Variants in NSUN6 observed in about 807,000 individuals in gnomAD.
NSUN6 encodes the protein NOP2/Sun RNA methyltransferase 6, also known as tRNA (cytosine(72)-C(5))-methyltransferase NSUN6.
A neutral mutation model predicts 58.0 loss-of-function variants in NSUN6; 64 were observed. The observed-to-expected ratio is 1.10, with a 90% CI of 0.90 to 1.36. NSUN6 has a LOEUF of 1.36. Ranked by LOEUF, NSUN6 falls within the 40% of genes most tolerant of loss-of-function variation. NSUN6 has a pLI of 0.00. For missense variants in NSUN6, 701 were observed against 550.1 expected, an observed-to-expected ratio of 1.27 and a Z score of -2.74; for synonymous variants, 231 against 193.9, an observed-to-expected ratio of 1.19 and a Z score of -1.59.
intron 4 of NSUN6, among the ~76,000 whole-genome samples, chr10:18,615,664 G>C (rs1046136351): frequency 6.6e-6 from 1 of 152,184 alleles, no homozygotes; most frequent in African/African-American, 2.4e-5. Flanking sequence ...GAGGCCCAGA[G>C]ACGGAATACG....
intron 6 of NSUN6, among the ~76,000 whole-genome samples, chr10:18,601,016 T>C (rs2057818405): frequency 7.5e-6 from 1 of 134,086 alleles, no homozygotes; most frequent in Non-Finnish European, 1.6e-5. Context: ...GCCAAACTCT[T>C]GTGCCTGGTA....
chr10:18,614,535 C>A lies in NSUN6; in HGVS notation c.500G>T (p.Gly167Val). 1 of 1,542,114 alleles carries A rather than the reference C, an allele frequency of 6.5e-7. No individual in the cohort carries two copies. The highest frequency in any genetic ancestry group is 1.4e-5 in the African/African-American group (1 of 71,594). The change falls in exon 5 of 11, where the codon GGA (glycine) becomes GTA (valine). Residue 167 changes from glycine to valine, a missense_variant. Coordinates refer to ENST00000377304, the MANE Select transcript of NSUN6 (RefSeq NM_182543.5). The part of the protein sequence containing the change: ...KCKKGAKEFD[G>V]TKVFLGNGIS... ...CCCATTTCCAAGAAATACTTTTGTT[C>A]CATCAAATTCTTTGGCTCCTTTCTT...
chr10:18,613,543 A>G (rs1416187715), intron 5 of NSUN6, among the ~76,000 whole-genome samples: 1 of 152,218 alleles, frequency 6.6e-6, no homozygotes, highest in Non-Finnish European at 1.5e-5. Context: ...ACAATGAACT[A>G]ATGGAGGCAG....
chr10:18,637,363 T>C (rs1057243937), intron 3 of NSUN6, among the ~76,000 whole-genome samples: 2 of 152,236 alleles, frequency 1.3e-5, no homozygotes, highest in African/African-American at 2.4e-5. Context: ...TACATTCACT[T>C]ATGTTCTGAT....
intron 3 of NSUN6, among the ~76,000 whole-genome samples, chr10:18,616,731 T>C (rs2058423763): frequency 6.6e-6 from 1 of 152,230 alleles, no homozygotes; most frequent in South Asian, 2.1e-4. Flanking sequence ...TCTTTTTTCC[T>C]TCCTTTGCTG....
At chr10:18,645,750 G>A (rs914815119) in intron 2 of NSUN6, among the ~76,000 whole-genome samples, 4 of 152,136 alleles carry the variant, frequency 2.6e-5, no homozygotes, top group Non-Finnish European at 4.4e-5. Flanking sequence ...ACCTAGGAGT[G>A]GAATTGCTGG....
chr10:18,605,193 C>A (rs2058005144), intron 6 of NSUN6, among the ~76,000 whole-genome samples: 2 of 145,940 alleles, frequency 1.4e-5, no homozygotes, highest in African/African-American at 5.1e-5. Context: ...CCGAGACTCC[C>A]TTAAAAAAAA....
chr10:18,623,230 T>G (rs2058672325), intron 3 of NSUN6, among the ~76,000 whole-genome samples: 1 of 152,190 alleles, frequency 6.6e-6, no homozygotes, highest in Non-Finnish European at 1.5e-5. Flanking sequence ...TTAAAATTGT[T>G]TACTGTATAT....
Position 18,585,946 on chromosome 10 carries a change from C to A in NSUN6, c.922+3G>T, listed in dbSNP as rs1292563815. 6.3e-7 allele frequency: 1 copy of A among 1,584,354 alleles called. No individual in the cohort carries two copies. The highest frequency in any genetic ancestry group is 1.4e-5 in the African/African-American group (1 of 73,038). ...TAAAAATAAGAAAATCAAAATAGCT[C>A]ACCTTCTGTGTCCTCCACCATATCA... is the stretch of plus-strand genomic sequence containing the variant. On this transcript the variant is annotated splice_donor_region_variant and intron_variant, in intron 8 of 10. Coordinates refer to ENST00000377304, the MANE Select transcript of NSUN6 (RefSeq NM_182543.5).
At chr10:18,651,896 TGTTGCTGGACTGAAAAAAGGCACAGCCCA>T (rs2059716977), upstream of NSUN6, 1 of 985,312 alleles carries the variant, frequency 1.0e-6, no homozygotes, top group African/African-American at 1.7e-5. Context: ...GAGTGGAAGA[TGTTGCTGGACTGAAAAAAGGCACAGCCCA>T]GTTGCTGTCC....
Position 18,556,078 on chromosome 10 carries a change from T to G in NSUN6, c.923-4107A>C, listed in dbSNP as rs1251428314. Reference sequence around the variant, plus strand: ...AGGGAAAATGGAGAATGGAATGGAATCGAGAATTGAATGGAATGGAATGGA... The same window carrying G: ...AGGGAAAATGGAGAATGGAATGGAAGCGAGAATTGAATGGAATGGAATGGA... On this transcript the variant is annotated intron_variant, in intron 8 of 10. Transcript: ENST00000377304. 2.0e-5 allele frequency among the ~76,000 whole-genome samples: 3 copies of G among 147,988 alleles called. No individual in the cohort carries two copies. The East Asian group carries it at 6.1e-4, about 30-fold the overall frequency.
At chr10:18,618,650 C>CCAG (rs2058496448) in intron 3 of NSUN6, among the ~76,000 whole-genome samples, 1 of 149,010 alleles carries the variant, frequency 6.7e-6, no homozygotes, top group East Asian at 2.0e-4. Context: ...CCATTGCACT[C>CCAG]CAGCGTGGGC....
chr10:18,600,947 TATATATATATATAC>T (rs1564784836), intron 6 of NSUN6, among the ~76,000 whole-genome samples: 2 of 85,998 alleles, frequency 2.3e-5, no homozygotes, highest in African/African-American at 9.5e-5. Context: ...AAAAAATATA[TATATATATATATAC>T]ATATATATAT....
At chr10:18,589,658 A>G (rs1249527759) in intron 7 of NSUN6, among the ~76,000 whole-genome samples, 1 of 152,226 alleles carries the variant, frequency 6.6e-6, no homozygotes, top group Non-Finnish European at 1.5e-5. Flanking sequence ...TAGCCAAATT[A>G]AGCTCCATAA....
intron 7 of NSUN6, among the ~76,000 whole-genome samples, chr10:18,595,139 C>G (rs1328686363): frequency 1.3e-5 from 2 of 152,182 alleles, no homozygotes; most frequent in African/African-American, 4.8e-5. Flanking sequence ...CACCCAAGAT[C>G]ATCAGAAACA....
chr10:18,550,728 C>CTT (rs66875630), intron 9 of NSUN6, among the ~76,000 whole-genome samples: 19 of 138,966 alleles, frequency 1.4e-4, no homozygotes, highest in African/African-American at 2.9e-4. Context: ...CAAAAAATCT[C>CTT]TTTTTTTTTT....
chr10:18,592,688 C>G (rs1006596386), intron 7 of NSUN6, among the ~76,000 whole-genome samples: 1 of 151,976 alleles, frequency 6.6e-6, no homozygotes, highest in African/African-American at 2.4e-5. Flanking sequence ...AACTGCACCC[C>G]TTCCTTACAC....
upstream of NSUN6, among the ~76,000 whole-genome samples, chr10:18,656,076 A>G (rs1269339253): frequency 6.6e-6 from 1 of 151,916 alleles, no homozygotes; most frequent in Non-Finnish European, 1.5e-5. Context: ...GCGAGACGTG[A>G]GTTTCTTTTA....
In NSUN6 at chr10:18,551,964, A is replaced by C. The variant is rs371053585; in HGVS notation, c.930T>G (p.Pro310=). Reference sequence around the variant, plus strand: ...GGTCAAAGGATTCTGGTAGAAATGGAGGTTCTCCTATAAAGAGAATTATAA... The same window carrying C: ...GGTCAAAGGATTCTGGTAGAAATGGCGGTTCTCCTATAAAGAGAATTATAA... ...LDMVEDTEGE[P]PFLPESFDRI... Residue 310 remains proline (P), a synonymous_variant, in exon 9 of 11, where the codon CCT becomes CCG. Coordinates refer to ENST00000377304, the MANE Select transcript of NSUN6 (RefSeq NM_182543.5). The C allele has an allele frequency of 1.1e-5, 18 of 1,597,384 alleles. No homozygotes were observed. The highest frequency in any genetic ancestry group is 1.5e-5 in the Non-Finnish European group (18 of 1,166,424).
Sources: gnomAD v4.1 joint callset for allele counts (sites outside exome capture counted in the v4.1 genomes callset) on GRCh38, gnomAD v4.1.1 for gene constraint, MANE v1.5 for transcripts, NCBI Gene and HGNC (gene_info 2026-07-23, HGNC 2026-07-21) for gene names.